Variants in TACC2 observed in about 807,000 individuals in gnomAD.
TACC2 encodes transforming acidic coiled-coil containing protein 2.
In TACC2, 137 loss-of-function variants were observed where a neutral mutation model predicts 227.3. The observed-to-expected ratio is 0.60, with a 90% CI of 0.52 to 0.69. TACC2 has a LOEUF of 0.69. TACC2 is among the 30% of genes least tolerant of loss of function. TACC2 has a pLI of 0.00. For synonymous variants in TACC2, 1,523 were observed against 1,487.5 expected, an observed-to-expected ratio of 1.02 and a Z score of -0.55; for missense variants, 3,470 against 3,694.4, an observed-to-expected ratio of 0.94 and a Z score of 1.57.
chr10:122,085,814 C>CT lies in TACC2; in HGVS notation c.3316dup (p.Ser1106PhefsTer21). The stretch of plus-strand genomic sequence containing the variant: ...CAGCAGAAAATGGAGTGCTGGGCCA[C>CT]TTCGGATGCAGAGTCCCCAAAGCTT... On this transcript the variant is annotated frameshift_variant, in exon 4 of 23. Coordinates refer to ENST00000369005, the MANE Select transcript of TACC2 (RefSeq NM_206862.4). LOFTEE classifies it high-confidence loss of function. 6.2e-7 allele frequency: 1 copy of CT among 1,613,028 alleles called. No homozygotes were observed. Among genetic ancestry groups the CT allele is most frequent in the Non-Finnish European group, 8.5e-7 (1 of 1,179,392 alleles).
At chr10:122,088,068 AGTTTTCC>A in intron 4 of TACC2, 109 bp downstream of exon 4, 1 of 1,197,784 alleles carries the variant, frequency 8.3e-7, no homozygotes, top group Middle Eastern at 2.9e-4. Context: ...CTAAAAGCTG[AGTTTTCC>A]ATATCTAATT....
At chr10:122,106,889 A>G (rs2082864985) in intron 5 of TACC2, among the ~76,000 whole-genome samples, 1 of 152,152 alleles carries the variant, frequency 6.6e-6, no homozygotes, top group African/African-American at 2.4e-5. Flanking sequence ...CTCTCTACCC[A>G]CATTCAGTGT....
chr10:122,185,307 TGCCTCA>T (rs767218104), intron 7 of TACC2, among the ~76,000 whole-genome samples: 120 of 152,110 alleles, frequency 7.9e-4, no homozygotes, highest in Non-Finnish European at 1.4e-3. Flanking sequence ...GTGATTCCCC[TGCCTCA>T]GCCTCCTGAG....
At position 122,109,943 on chromosome 10, in the gene TACC2, T is replaced by C. The variant is rs181857280; in HGVS notation, c.5573+21352T>C. Among the ~76,000 whole-genome samples, 565 of 152,328 alleles carry C rather than the reference T, an allele frequency of 3.7e-3. 4 individuals are homozygous for C. Among genetic ancestry groups the C allele is most frequent in the African/African-American group, 0.013 (547 of 41,572 alleles). On this transcript the variant is annotated intron_variant, in intron 5 of 22. Transcript: ENST00000369005. ...AGTGTGTTTTCACATTTTCTTTTTT[T>C]CCCCTTCCCTCCGAATGAACCTCTT... is the stretch of plus-strand genomic sequence containing the variant.
At chr10:121,995,999 G>A (rs567014987) in intron 1 of TACC2, among the ~76,000 whole-genome samples, 11 of 152,240 alleles carry the variant, frequency 7.2e-5, no homozygotes, top group South Asian at 4.1e-4. Flanking sequence ...TGATCTGCCC[G>A]CCTTGGACTC....
At chr10:122,069,561 T>G (rs1470230094) in intron 3 of TACC2, among the ~76,000 whole-genome samples, 2 of 152,094 alleles carry the variant, frequency 1.3e-5, no homozygotes, top group African/African-American at 4.8e-5. Context: ...TTCTTCTATC[T>G]CCAGGATTCC....
At position 122,083,719 on chromosome 10, in the gene TACC2, C is replaced by A. The variant is rs766491271; in HGVS notation, c.1219C>A (p.Pro407Thr). 48 of 1,613,770 alleles carry A rather than the reference C, an allele frequency of 3.0e-5. No individual in the cohort carries two copies. Among genetic ancestry groups the A allele is most frequent in the Non-Finnish European group, 4.0e-5 (47 of 1,180,058 alleles). ...PEGGLPVSPE[P>T]SLLTPTEEAH... Reference sequence around the variant, plus strand: ...AGGGGGTTTGCCTGTGAGCCCTGAACCTTCCCTGCTCACTCCGACTGAGGA... The same window carrying A: ...AGGGGGTTTGCCTGTGAGCCCTGAAACTTCCCTGCTCACTCCGACTGAGGA... Residue 407 changes from proline to threonine, a missense_variant, in exon 4 of 23, where the codon CCT (proline) becomes ACT (threonine). Pro to Thr is a conservative substitution (Grantham distance 38, BLOSUM62 -1). This residue lies in a region of TACC2 where 1,924 missense variants were observed against 1,978.3 expected (regional missense o/e 0.97). Transcript: ENST00000369005.
chr10:122,047,770 T>TA (rs1232789225), intron 2 of TACC2, among the ~76,000 whole-genome samples: 46 of 152,364 alleles, frequency 3.0e-4, no homozygotes, highest in African/African-American at 1.1e-3. Flanking sequence ...CATGGAAAGA[T>TA]ACTGGCCCAG....
intron 1 of TACC2, among the ~76,000 whole-genome samples, chr10:121,995,960 G>T (rs1158882668): frequency 2.0e-5 from 3 of 152,124 alleles, no homozygotes; most frequent in Non-Finnish European, 4.4e-5. Flanking sequence ...CACCCTGCTG[G>T]CCAGGCTGGT....
At chr10:122,044,029 C>A (rs573553917) in intron 2 of TACC2, among the ~76,000 whole-genome samples, 1 of 152,318 alleles carries the variant, frequency 6.6e-6, no homozygotes, top group Non-Finnish European at 1.5e-5. Flanking sequence ...GAACCTAGAC[C>A]CAGCCCTTAC....
At chr10:122,056,287 G>A (rs1202803260) in intron 3 of TACC2, among the ~76,000 whole-genome samples, 1 of 152,180 alleles carries the variant, frequency 6.6e-6, no homozygotes, top group African/African-American at 2.4e-5. Flanking sequence ...CGTTTCTCCT[G>A]CCTCAGCCTC....
In TACC2 at chr10:122,252,456, A is replaced by C. The variant is rs562323612; in HGVS notation, c.8782-1535A>C. Among the ~76,000 whole-genome samples the C allele has an allele frequency of 2.0e-5, 3 of 150,972 alleles. No individual in the cohort carries two copies. In the South Asian group the frequency reaches 6.3e-4, roughly 32 times the overall value. On this transcript the variant is annotated intron_variant, in intron 22 of 22. Transcript: ENST00000369005. The stretch of plus-strand genomic sequence containing the variant: ...ATGGAAGATCACCGTTAGCAGCCCC[A>C]GCAGGGGCCATAGTGGCAATGAGAG...
At chr10:122,095,867 T>C (rs1450325232) in intron 5 of TACC2, among the ~76,000 whole-genome samples, 1 of 152,190 alleles carries the variant, frequency 6.6e-6, no homozygotes, top group African/African-American at 2.4e-5. Flanking sequence ...GGAACCAAAT[T>C]GTTAATTTTG....
At chr10:122,059,785 A>G (rs1429182155) in intron 3 of TACC2, among the ~76,000 whole-genome samples, 4 of 152,142 alleles carry the variant, frequency 2.6e-5, no homozygotes, top group Admixed American at 2.6e-4. Context: ...CAAGCTAGAG[A>G]GTAACAGGGA....
At chr10:122,125,944 T>C (rs1187048481) in intron 5 of TACC2, among the ~76,000 whole-genome samples, 1 of 151,926 alleles carries the variant, frequency 6.6e-6, no homozygotes, top group African/African-American at 2.4e-5. Context: ...ACCCAACTAA[T>C]TTTTTTGTAT....
intron 5 of TACC2, among the ~76,000 whole-genome samples, chr10:122,091,226 T>C (rs916580951): frequency 6.6e-6 from 1 of 150,820 alleles, no homozygotes; most frequent in African/African-American, 2.4e-5. Context: ...AAGTGTAAAA[T>C]ACACACCCAA....
intron 9 of TACC2, among the ~76,000 whole-genome samples, chr10:122,212,228 C>T (rs1280618417): frequency 6.6e-6 from 1 of 152,238 alleles, no homozygotes; most frequent in East Asian, 1.9e-4. Flanking sequence ...CCCCTCCCTG[C>T]TGCACTCCAA....
At chr10:122,244,712 G>C (rs778259353) in intron 19 of TACC2, among the ~76,000 whole-genome samples, 2 of 151,940 alleles carry the variant, frequency 1.3e-5, no homozygotes, top group Non-Finnish European at 2.9e-5. Context: ...GGCCCAGAGA[G>C]ATTGGCAGTT....
At chr10:121,995,421 C>T (rs1953321909) in intron 1 of TACC2, among the ~76,000 whole-genome samples, 1 of 152,148 alleles carries the variant, frequency 6.6e-6, no homozygotes, top group Non-Finnish European at 1.5e-5. Context: ...AACAGAAACG[C>T]CCCGACCAAA....
Sources: gnomAD v4.1 joint callset for allele counts (sites outside exome capture counted in the v4.1 genomes callset) on GRCh38, gnomAD v4.1.1 for gene constraint, gnomAD v4.1.1 regional missense constraint, MANE v1.5 for transcripts, NCBI Gene and HGNC (gene_info 2026-07-23, HGNC 2026-07-21) for gene names.